The following COL14A1 variants were observed in gnomAD, a reference collection of about 807,000 sequenced individuals.
COL14A1 encodes collagen type XIV alpha 1 chain.
In COL14A1, 136 loss-of-function variants were observed where a neutral mutation model predicts 230.3. That is an observed-to-expected ratio of 0.59 (90% CI 0.51 to 0.68). The LOEUF (loss-of-function observed/expected upper bound fraction) is 0.68, where lower values mean the gene tolerates loss of function less well. Among genes scored for constraint, COL14A1 ranks in the 30% least tolerant of loss-of-function variants. COL14A1 has a pLI of 0.00. For synonymous variants in COL14A1, 792 were observed against 784.1 expected, an observed-to-expected ratio of 1.01 and a Z score of -0.17; for missense variants, 1,976 against 2,215.8, an observed-to-expected ratio of 0.89 and a Z score of 2.17.
chr8:120,269,046 A>G (rs1418089007), intron 25 of COL14A1, among the ~76,000 whole-genome samples: 1 of 151,786 alleles, frequency 6.6e-6, no homozygotes, highest in Non-Finnish European at 1.5e-5. Context: ...ATTTTATATT[A>G]TAAATAGCTT....
intron 40 of COL14A1, among the ~76,000 whole-genome samples, chr8:120,329,916 T>C (rs953340837): frequency 9.9e-5 from 15 of 151,288 alleles, no homozygotes; most frequent in Non-Finnish European, 1.8e-4. Context: ...GGTGGAGGAG[T>C]GGGGGTTAGG....
At chr8:120,333,656 T>C (rs537951462) in intron 42 of COL14A1, among the ~76,000 whole-genome samples, 42 of 152,324 alleles carry the variant, frequency 2.8e-4, no homozygotes, top group Admixed American at 7.8e-4. Context: ...AAATTTGTTA[T>C]CTTACAGTTC....
chr8:120,126,230 C>T (rs909115611), intron 1 of COL14A1, among the ~76,000 whole-genome samples: 1 of 152,218 alleles, frequency 6.6e-6, no homozygotes, highest in Non-Finnish European at 1.5e-5. Context: ...ACAGTGGCCT[C>T]GGTCCTAGGG....
At position 120,199,402 on chromosome 8, in the gene COL14A1, G is replaced by C; in HGVS notation, c.713G>C (p.Gly238Ala). Residue 238 changes from glycine (G) to alanine (A), a missense_variant and splice_region_variant, in exon 8 of 48, where the codon GGT becomes GCT. Coordinates refer to ENST00000297848, the MANE Select transcript of COL14A1 (RefSeq NM_021110.4). ...LPYKGGNTLT[G>A]LALNYIFENS... The stretch of plus-strand genomic sequence containing the variant: ...TTTACTTTTCCTTGTTTTCTCCAAG[G>C]TCTTGCTTTGAACTACATTTTTGAA... 1.3e-6 allele frequency: 2 copies of C among 1,586,612 alleles called. No individual in the cohort carries two copies. Among genetic ancestry groups the C allele is most frequent in the Non-Finnish European group, 1.7e-6 (2 of 1,170,782 alleles).
In COL14A1 at chr8:120,210,003, G is replaced by A. The variant is rs990305258; in HGVS notation, c.1467+102G>A. The A allele has an allele frequency of 7.0e-6, 7 of 1,001,320 alleles. No homozygotes were observed. The African/African-American group carries it at 8.4e-5, about 12-fold the overall frequency. 62.0% of individuals were successfully genotyped at this position (1,001,320 alleles called of 1,614,324 possible). A position where few individuals can be genotyped will look rare whatever the true frequency, so the allele number is the denominator to read the frequency against. ...TAATGTAGAAAATTTAGAAATTTCA[G>A]ATTAGCCAAAAGAAAAAAAAACACT... On this transcript the variant is annotated intron_variant, in intron 12 of 47. Coordinates refer to ENST00000297848, the MANE Select transcript of COL14A1 (RefSeq NM_021110.4).
chr8:120,367,132 A>G, intron 45 of COL14A1, 39 bp from the exon 46 acceptor site: 1 of 1,498,082 alleles, frequency 6.7e-7, no homozygotes, highest in Non-Finnish European at 9.0e-7. Context: ...TTTTCTTTTA[A>G]AAAGAACTTT....
chr8:120,250,009 A>C (rs1818888781), intron 21 of COL14A1, among the ~76,000 whole-genome samples: 1 of 152,200 alleles, frequency 6.6e-6, no homozygotes, highest in Admixed American at 6.5e-5. Flanking sequence ...TTAGCAATGA[A>C]TGTTTTTAAT....
At chr8:120,261,514 TC>T (rs1457539365) in intron 23 of COL14A1, among the ~76,000 whole-genome samples, 1 of 152,122 alleles carries the variant, frequency 6.6e-6, no homozygotes, top group Non-Finnish European at 1.5e-5. Context: ...ATATAATTAA[TC>T]CAGATTCCTC....
chr8:120,265,244 A>G (rs896069819), intron 24 of COL14A1, among the ~76,000 whole-genome samples: 1 of 152,086 alleles, frequency 6.6e-6, no homozygotes, highest in Non-Finnish European at 1.5e-5. Context: ...TACTGATTTC[A>G]TTCTTGATTT....
chr8:120,207,472 GA>G (rs751198958), intron 10 of COL14A1, among the ~76,000 whole-genome samples: 20 of 152,242 alleles, frequency 1.3e-4, no homozygotes, highest in South Asian at 2.1e-4. Context: ...TTAAGTCTGT[GA>G]ATTCCAAAGT....
intron 19 of COL14A1, 38 bp from the exon 20 acceptor site, chr8:120,243,841 G>C (rs375051974): frequency 4.4e-6 from 7 of 1,604,642 alleles, no homozygotes; most frequent in Non-Finnish European, 6.0e-6. Context: ...GTGGAAACGG[G>C]TCTCACTAAG....
intron 3 of COL14A1, 143 bp downstream of exon 3, chr8:120,158,389 C>T: frequency 3.2e-6 from 2 of 629,290 alleles, no homozygotes; most frequent in South Asian, 3.8e-5. Context: ...ATCTTACCCT[C>T]TAATCAAGGT....
Position 120,196,940 on chromosome 8 carries a change from C to G in COL14A1, c.586C>G (p.Arg196Gly). 6.2e-7 allele frequency: 1 copy of G among 1,613,584 alleles called. No individual in the cohort carries two copies. Among genetic ancestry groups the G allele is most frequent in the Non-Finnish European group, 8.5e-7 (1 of 1,179,778 alleles). The change falls in exon 6 of 48, where the codon CGA (arginine) becomes GGA (glycine). Residue 196 changes from arginine to glycine, a missense_variant. Arg to Gly is a moderately radical substitution (Grantham distance 125). Coordinates refer to ENST00000297848, the MANE Select transcript of COL14A1 (RefSeq NM_021110.4). ...ATTCGATGTGGGCTCAGAGAAGACA[C>G]GAATTGGTATAATTTCTATTATTAG... ...TAFDVGSEKT[R>G]IGLAQYSGDP...
chr8:120,356,028 G>A (rs1275906515), intron 45 of COL14A1, among the ~76,000 whole-genome samples: 1 of 152,112 alleles, frequency 6.6e-6, no homozygotes, highest in Non-Finnish European at 1.5e-5. Flanking sequence ...TACCTCATTT[G>A]GGTAAAGTGG....
chr8:120,124,918 G>A (rs1237485220), upstream of COL14A1, among the ~76,000 whole-genome samples: 2 of 152,196 alleles, frequency 1.3e-5, no homozygotes, highest in Non-Finnish European at 2.9e-5. Context: ...GCCAGGTTCG[G>A]GGTAGGCGAG....
intron 8 of COL14A1, among the ~76,000 whole-genome samples, 154 bp from the exon 9 acceptor site, chr8:120,203,555 A>G (rs1395232535): frequency 6.6e-6 from 1 of 152,162 alleles, no homozygotes; most frequent in African/African-American, 2.4e-5. Context: ...TCGTGTGCGC[A>G]TTTTAAATAA....
chr8:120,288,877 C>T (rs1392135370), intron 33 of COL14A1, among the ~76,000 whole-genome samples: 1 of 152,112 alleles, frequency 6.6e-6, no homozygotes, highest in African/African-American at 2.4e-5. Context: ...AGTTACAATG[C>T]ATATATAAGC....
rs142816460 is a variant in COL14A1 at position 120,249,351 on chromosome 8, A to G, written c.2603-1266A>G. Among the ~76,000 whole-genome samples the G allele has an allele frequency of 6.4e-3, 974 of 152,154 alleles. 7 individuals carry two copies. The highest frequency in any genetic ancestry group is 0.021 in the African/African-American group (861 of 41,502). Reference sequence around the variant, plus strand: ...AAATACTCCCACCTCCAATTTCTCCAGACAAACATCCTTATAACTAGGAAA... The same window carrying G: ...AAATACTCCCACCTCCAATTTCTCCGGACAAACATCCTTATAACTAGGAAA... On this transcript the variant is annotated intron_variant, in intron 21 of 47. Coordinates refer to ENST00000297848, the MANE Select transcript of COL14A1 (RefSeq NM_021110.4).
intron 44 of COL14A1, among the ~76,000 whole-genome samples, 181 bp from the exon 45 acceptor site, chr8:120,345,194 T>C (rs1275508820): frequency 6.6e-6 from 1 of 152,088 alleles, no homozygotes; most frequent in Non-Finnish European, 1.5e-5. Flanking sequence ...GCCCTTAATA[T>C]CATCCAGAGT....
Sources: gnomAD v4.1 joint callset for allele counts (sites outside exome capture counted in the v4.1 genomes callset) on GRCh38, gnomAD v4.1.1 for gene constraint, MANE v1.5 for transcripts, NCBI Gene and HGNC (gene_info 2026-07-23, HGNC 2026-07-21) for gene names.